Variants in SUPT5H observed in about 807,000 individuals in gnomAD.
SUPT5H encodes the protein transcription elongation factor SPT5.
In SUPT5H, 24 loss-of-function variants were observed where a neutral mutation model predicts 142.5. That is an observed-to-expected ratio of 0.17 (90% CI 0.12 to 0.24). The LOEUF is 0.24. Ranked by LOEUF, SUPT5H falls within the 10% of genes least tolerant of loss-of-function variation. The probability of loss-of-function intolerance (pLI) is 1.00; values close to 1 mark genes in which losing one functional copy is unlikely to be tolerated. For synonymous variants in SUPT5H, 546 were observed against 553.0 expected, an observed-to-expected ratio of 0.99 and a Z score of 0.18; for missense variants, 893 against 1,471.8, an observed-to-expected ratio of 0.61 and a Z score of 6.43.
chr19:39,451,093 AT>A (rs74178073), intron 2 of SUPT5H, among the ~76,000 whole-genome samples: 86,654 of 145,672 alleles, frequency 0.59, 25,887 homozygotes, highest in African/African-American at 0.72. Context: ...CAGATTTTGG[AT>A]TTTTTTTTTT....
chr19:39,476,479 C>T lies in SUPT5H; in HGVS notation c.*80C>T, dbSNP rs529980851. On this transcript the variant is annotated 3_prime_UTR_variant, in exon 30 of 30. Coordinates refer to ENST00000432763, the MANE Select transcript of SUPT5H (RefSeq NM_001111020.3). The stretch of plus-strand genomic sequence containing the variant: ...TGGCCCTTGGCTGTGACACAAGATC[C>T]TCCTGCAGGGCTAGGCGGATTGTTC... The T allele has an allele frequency of 4.8e-5, 74 of 1,555,994 alleles. 5 individuals carry two copies. The South Asian group carries it at 7.7e-4, about 16-fold the overall frequency.
chr19:39,471,702 G>A lies in SUPT5H; in HGVS notation c.1922G>A (p.Arg641His), dbSNP rs750145626. The change falls in exon 20 of 30, where the codon CGC (arginine) becomes CAC (histidine). Residue 641 changes from arginine to histidine, a missense_variant. Around this residue, in one of 6 missense-constraint regions of SUPT5H, gnomAD observed 428 missense variants for 763.5 expected, o/e 0.56. Transcript: ENST00000432763. ...GGGGGCATGTTTGTCTGCAAGACCC[G>A]CCACCTGGTGCTGGCTGGGGGCTCA... Reference protein sequence around the residue: ...ENGGMFVCKTRHLVLAGGSKP... With the variant: ...ENGGMFVCKTHHLVLAGGSKP... The A allele has an allele frequency of 6.2e-7, 1 of 1,614,090 alleles. No homozygotes were observed. The highest frequency in any genetic ancestry group is 8.5e-7 in the Non-Finnish European group (1 of 1,180,004).
intron 10 of SUPT5H, among the ~76,000 whole-genome samples, chr19:39,464,237 G>C (rs1454508583): frequency 1.3e-5 from 2 of 151,948 alleles, no homozygotes; most frequent in Admixed American, 1.3e-4. Context: ...CACCCGCCTC[G>C]GCCTCCCAAA....
chr19:39,471,340 C>T lies in SUPT5H; in HGVS notation c.1678-17C>T. 9.3e-6 allele frequency: 15 copies of T among 1,614,168 alleles called. No homozygotes were observed. Among genetic ancestry groups the T allele is most frequent in the Non-Finnish European group, 1.3e-5 (15 of 1,180,002 alleles). On this transcript the variant is annotated splice_polypyrimidine_tract_variant and intron_variant, in intron 18 of 29. Transcript: ENST00000432763. ...TCCCATTCTCACCCCCACAGCCTCCCTGCTCTCCCTCTGTAGGTGCTGAAC... is the reference window on the plus strand; with the variant it reads ...TCCCATTCTCACCCCCACAGCCTCCTTGCTCTCCCTCTGTAGGTGCTGAAC...
chr19:39,446,038 G>C, intron 2 of SUPT5H, 73 bp downstream of exon 2: 1 of 1,500,638 alleles, frequency 6.7e-7, no homozygotes, highest in East Asian at 2.3e-5. Flanking sequence ...CCCTGTGGGA[G>C]GCTCGAGGGG....
intron 10 of SUPT5H, among the ~76,000 whole-genome samples, chr19:39,463,276 AC>A (rs977234461): frequency 9.2e-5 from 14 of 152,162 alleles, no homozygotes; most frequent in African/African-American, 3.4e-4. Flanking sequence ...TGCTGGGATT[AC>A]AGGCATGAGC....
intron 28 of SUPT5H, among the ~76,000 whole-genome samples, chr19:39,475,571 G>A (rs2079393825): frequency 6.6e-6 from 1 of 152,180 alleles, no homozygotes; most frequent in South Asian, 2.1e-4. Context: ...GATTGGGGGT[G>A]GGGAGACTGG....
rs112312932 is a variant in SUPT5H, at chr19:39,452,714, G to A, written c.76-642G>A. 1.9e-3 allele frequency among the ~76,000 whole-genome samples: 292 copies of A among 152,128 alleles called. 1 individual carries two copies. The highest frequency in any genetic ancestry group is 6.6e-3 in the African/African-American group (276 of 41,532). On this transcript the variant is annotated intron_variant, in intron 2 of 29. Coordinates refer to ENST00000432763, the MANE Select transcript of SUPT5H (RefSeq NM_001111020.3). The stretch of plus-strand genomic sequence containing the variant: ...GACGAGATGGCCTTGGGGAGTTGTA[G>A]AATGGGAAGAGATGGGCCAGGTGCT...
intron 2 of SUPT5H, among the ~76,000 whole-genome samples, chr19:39,446,349 C>T (rs1049626580): frequency 6.6e-6 from 1 of 152,036 alleles, no homozygotes; most frequent in African/African-American, 2.4e-5. Context: ...AAAATGTCTG[C>T]CTTCGGGAAT....
intron 2 of SUPT5H, among the ~76,000 whole-genome samples, chr19:39,448,207 T>G (rs28528765): frequency 3.3e-5 from 5 of 152,018 alleles, no homozygotes; most frequent in African/African-American, 1.2e-4. Flanking sequence ...GTTTGGTAGA[T>G]GGAGAGTGCT....
intron 3 of SUPT5H, among the ~76,000 whole-genome samples, chr19:39,454,926 T>C (rs1224232750): frequency 6.6e-6 from 1 of 152,142 alleles, no homozygotes; most frequent in East Asian, 1.9e-4. Flanking sequence ...GGGACACCCA[T>C]ATGTTGGTGG....
chr19:39,458,924 T>G lies in SUPT5H; in HGVS notation c.389+37T>G. The G allele has an allele frequency of 6.2e-7, 1 of 1,613,936 alleles. No homozygotes were observed. Among genetic ancestry groups the G allele is most frequent in the Non-Finnish European group, 8.5e-7 (1 of 1,179,824 alleles). On this transcript the variant is annotated intron_variant, in intron 6 of 29. Transcript: ENST00000432763. The surrounding 1 kb of genome is among the most constrained non-coding windows in gnomAD (Gnocchi z 4.2). ...AGGGAAACGTGGTGGGATTGGCTCC[T>G]GTGGGGAGATTTGGGAGTAGGTCAG...
chr19:39,471,891 GAGCTGTTC>G, intron 20 of SUPT5H, 161 bp downstream of exon 20: 2 of 1,065,734 alleles, frequency 1.9e-6, no homozygotes. Context: ...TTGGGATTCT[GAGCTGTTC>G]ACCAAGTTAT....
chr19:39,465,983 A>G (rs2146110756), intron 11 of SUPT5H, among the ~76,000 whole-genome samples: 1 of 152,248 alleles, frequency 6.6e-6, no homozygotes. Context: ...ATTTCCTTCG[A>G]GCATCATGTT....
At chr19:39,456,407 T>G (rs9304584) in intron 3 of SUPT5H, among the ~76,000 whole-genome samples, 86,633 of 146,780 alleles carry the variant, frequency 0.59, 26,307 homozygotes, top group African/African-American at 0.72. Context: ...ACTGTTTTTT[T>G]TTGTTGTTGT....
chr19:39,450,877 G>T (rs2079012795), intron 2 of SUPT5H, among the ~76,000 whole-genome samples: 1 of 152,180 alleles, frequency 6.6e-6, no homozygotes, highest in African/African-American at 2.4e-5. Context: ...CTTAGAGCCT[G>T]CAGCAGGCAG....
Position 39,469,911 on chromosome 19 carries a change from T to C in SUPT5H, c.1375-208T>C, listed in dbSNP as rs938448564. 38 of 602,044 alleles carry C rather than the reference T, an allele frequency of 6.3e-5. No homozygotes were observed. The highest frequency in any genetic ancestry group is 4.5e-4 in the Middle Eastern group (1 of 2,224). The allele number at this position is 602,044 out of a possible 1,614,324, so 37.3% of individuals were successfully genotyped here. ...TCTTGAGGGCGGGCTGGGGTAAAGG[T>C]TGTCCAGGTTGGTGTCCTGTGTCTG... On this transcript the variant is annotated intron_variant, in intron 16 of 29. Coordinates refer to ENST00000432763, the MANE Select transcript of SUPT5H (RefSeq NM_001111020.3). This position sits in a 1 kb window ranked among gnomAD's most constrained non-coding sequence, Gnocchi z 5.1.
In SUPT5H at chr19:39,470,181, G is replaced by A; in HGVS notation, c.1437G>A (p.Lys479=). 1.9e-6 allele frequency: 3 copies of A among 1,612,334 alleles called. No homozygotes were observed. The highest frequency in any genetic ancestry group is 4.5e-5 in the East Asian group (2 of 44,854). Residue 479 remains lysine (K), a synonymous_variant, in exon 17 of 30, where the codon AAG becomes AAA. Coordinates refer to ENST00000432763, the MANE Select transcript of SUPT5H (RefSeq NM_001111020.3). The surrounding 1 kb of genome is among the most constrained non-coding windows in gnomAD (Gnocchi z 5.8). ...ACTTCAAGATGGGGGACCACGTGAA[G>A]GTGATTGCTGGCCGATTCGAGGGCG... The part of the protein sequence containing the change: ...RKYFKMGDHV[K]VIAGRFEGDT...
chr19:39,470,248 C>T lies in SUPT5H; in HGVS notation c.1504C>T (p.Leu502=). The change falls in exon 17 of 30, where the codon CTG becomes TTG. Residue 502 remains leucine (L), a synonymous_variant. Coordinates refer to ENST00000432763, the MANE Select transcript of SUPT5H (RefSeq NM_001111020.3). The surrounding 1 kb of genome is among the most constrained non-coding windows in gnomAD (Gnocchi z 5.8). The stretch of plus-strand genomic sequence containing the variant: ...GCGGGTGGAGGAGAATTTCGTTATC[C>T]TGTTCTCTGACCTCACCATGCATGA... ...IVRVEENFVI[L]FSDLTMHELK... 6.3e-7 allele frequency: 1 copy of T among 1,587,992 alleles called. No homozygotes were observed. Among genetic ancestry groups the T allele is most frequent in the Admixed American group, 1.7e-5 (1 of 58,788 alleles).
Sources: gnomAD v4.1 joint callset for allele counts (sites outside exome capture counted in the v4.1 genomes callset) on GRCh38, gnomAD v4.1.1 for gene constraint, gnomAD v4.1.1 regional missense constraint, Gnocchi (gnomAD v3.1) non-coding constraint, MANE v1.5 for transcripts, NCBI Gene and HGNC (gene_info 2026-07-23, HGNC 2026-07-21) for gene names.